EPB41L3: variants seen among roughly 807,000 people sequenced by gnomAD.
EPB41L3 encodes the protein band 4.1-like protein 3.
EPB41L3 carries 57 observed loss-of-function variants against 127.1 expected under a neutral mutation model. The ratio of observed to expected loss-of-function variants is 0.45; its 90% CI spans 0.36 to 0.56. The LOEUF (loss-of-function observed/expected upper bound fraction) is 0.56. EPB41L3 is among the 20% of genes least tolerant of loss of function. The pLI, the probability that EPB41L3 is intolerant of heterozygous loss-of-function variation, is 0.00. For synonymous variants in EPB41L3, 572 were observed against 549.5 expected, an observed-to-expected ratio of 1.04 and a Z score of -0.57; for missense variants, 1,273 against 1,372.2, an observed-to-expected ratio of 0.93 and a Z score of 1.14.
intron 1 of EPB41L3, among the ~76,000 whole-genome samples, chr18:5,540,963 T>A (rs948570697): frequency 1.3e-5 from 2 of 151,618 alleles, no homozygotes; most frequent in Non-Finnish European, 2.9e-5. Context: ...CGGGCGCCTG[T>A]AGTCCCAGCT....
intron 3 of EPB41L3, among the ~76,000 whole-genome samples, chr18:5,563,754 T>C (rs962402387): frequency 1.3e-5 from 2 of 152,126 alleles, no homozygotes; most frequent in Non-Finnish European, 2.9e-5. Context: ...GGGAGAAATA[T>C]GTTGTTGGAA....
At chr18:5,531,414 G>A (rs1354538324) in intron 1 of EPB41L3, among the ~76,000 whole-genome samples, 1 of 152,046 alleles carries the variant, frequency 6.6e-6, no homozygotes, top group Non-Finnish European at 1.5e-5. Flanking sequence ...TCTTGCAATT[G>A]GGAAACCTTT....
chr18:5,472,866 A>C (rs1343323135), intron 3 of EPB41L3, among the ~76,000 whole-genome samples: 1 of 152,228 alleles, frequency 6.6e-6, no homozygotes, highest in Non-Finnish European at 1.5e-5. Flanking sequence ...CAATAGTTAG[A>C]AGGTAACAAA....
chr18:5,583,849 T>C (rs1189564091), intron 3 of EPB41L3, among the ~76,000 whole-genome samples: 2 of 152,196 alleles, frequency 1.3e-5, no homozygotes, highest in African/African-American at 4.8e-5. Context: ...ACTCTTGTTG[T>C]CCAGGCTGGA....
chr18:5,507,284 T>C (rs1321873614), intron 1 of EPB41L3, among the ~76,000 whole-genome samples: 3 of 152,154 alleles, frequency 2.0e-5, no homozygotes, highest in African/African-American at 7.2e-5. Flanking sequence ...ACGGATGTTA[T>C]ATCCAGGAAG....
chr18:5,596,929 C>T (rs1261200805), intron 3 of EPB41L3, among the ~76,000 whole-genome samples: 1 of 151,922 alleles, frequency 6.6e-6, no homozygotes, highest in Non-Finnish European at 1.5e-5. Flanking sequence ...CCCAGCTCTC[C>T]ACATAAATAA....
chr18:5,551,544 T>C (rs1263205494), intron 3 of EPB41L3, among the ~76,000 whole-genome samples: 1 of 151,980 alleles, frequency 6.6e-6, no homozygotes, highest in Non-Finnish European at 1.5e-5. Context: ...GGGCAATATA[T>C]TGAGACCCCA....
upstream of EPB41L3, among the ~76,000 whole-genome samples, chr18:5,629,579 G>C (rs992606861): frequency 6.6e-6 from 1 of 152,138 alleles, no homozygotes; most frequent in Admixed American, 6.5e-5. Context: ...TGCGAGGTTC[G>C]CACCTTCCCG....
intron 18 of EPB41L3, among the ~76,000 whole-genome samples, 171 bp from the exon 19 acceptor site, chr18:5,396,503 C>T (rs929356049): frequency 1.3e-5 from 2 of 150,356 alleles, no homozygotes; most frequent in South Asian, 2.2e-4. Flanking sequence ...GTCTCCTGGA[C>T]TCTCATAGCA....
intron 16 of EPB41L3, among the ~76,000 whole-genome samples, chr18:5,402,508 C>T (rs1334574017): frequency 6.6e-6 from 1 of 152,108 alleles, no homozygotes; most frequent in Non-Finnish European, 1.5e-5. Flanking sequence ...AAAAATGCCT[C>T]TGTCTTATAA....
chr18:5,467,601 C>T (rs2085236690), intron 3 of EPB41L3: 1 of 152,268 alleles, frequency 6.6e-6, no homozygotes, highest in Non-Finnish European at 1.5e-5. Flanking sequence ...ACTTTAGTAG[C>T]CTCTCTTCCA....
intron 3 of EPB41L3, among the ~76,000 whole-genome samples, chr18:5,567,726 A>G (rs2094225640): frequency 6.6e-6 from 1 of 152,154 alleles, no homozygotes; most frequent in Non-Finnish European, 1.5e-5. Flanking sequence ...CAGATACATG[A>G]GCTAGTGGGG....
intron 1 of EPB41L3, among the ~76,000 whole-genome samples, chr18:5,518,030 G>T (rs2092820647): frequency 6.6e-6 from 1 of 152,066 alleles, no homozygotes; most frequent in Non-Finnish European, 1.5e-5. Flanking sequence ...GACATAATGG[G>T]CTCCTAAGGG....
In EPB41L3 at chr18:5,407,706, C is replaced by T. The variant is rs777406986; in HGVS notation, c.2152G>A (p.Ala718Thr). ...SDQEEDAELK[A>T]QELEKTQDDL... Reference sequence around the variant, plus strand: ...TTTTATTTTTAATTTTCTACCTGTGCCTTGAGCTCTGCATCTTCCTCCTGG... The same window carrying T: ...TTTTATTTTTAATTTTCTACCTGTGTCTTGAGCTCTGCATCTTCCTCCTGG... Residue 718 changes from alanine (A) to threonine (T), a missense_variant, in exon 15 of 23, where the codon GCA (alanine) becomes ACA (threonine). By Grantham distance (58) the Ala-to-Thr change is moderately conservative. Coordinates refer to ENST00000341928, the MANE Select transcript of EPB41L3 (RefSeq NM_012307.5). The T allele has an allele frequency of 3.7e-6, 6 of 1,613,824 alleles. No individual in the cohort carries two copies. Among genetic ancestry groups the T allele is most frequent in the Admixed American group, 1.7e-5 (1 of 59,992 alleles).
chr18:5,511,480 T>C (rs2092522815), intron 1 of EPB41L3, among the ~76,000 whole-genome samples: 1 of 149,224 alleles, frequency 6.7e-6, no homozygotes. Context: ...TTCTCCCTTC[T>C]TTGGCCCAGA....
At chr18:5,544,849 G>A (rs1019811551), upstream of EPB41L3, among the ~76,000 whole-genome samples, 4 of 152,100 alleles carry the variant, frequency 2.6e-5, no homozygotes, top group African/African-American at 9.7e-5. Context: ...TGTTTTCCAT[G>A]ATGTGATTAT....
At chr18:5,422,319 G>T (rs1394484274) in intron 11 of EPB41L3, among the ~76,000 whole-genome samples, 5 of 152,156 alleles carry the variant, frequency 3.3e-5, no homozygotes, top group African/African-American at 9.7e-5. Flanking sequence ...GAAAAAGACA[G>T]TTGTTTTTAG....
chr18:5,626,935 A>T (rs990737420), intron 1 of EPB41L3, among the ~76,000 whole-genome samples: 1 of 152,194 alleles, frequency 6.6e-6, no homozygotes, highest in Non-Finnish European at 1.5e-5. Flanking sequence ...AGAAAAGAAG[A>T]AACAGAGAGA....
chr18:5,543,667 G>A lies in EPB41L3; in HGVS notation c.-12+246C>T, dbSNP rs915127430. 6.9e-6 allele frequency among the ~76,000 whole-genome samples: 1 copy of A among 145,382 alleles called. No homozygotes were observed. Among genetic ancestry groups the A allele is most frequent in the Admixed American group, 6.8e-5 (1 of 14,758 alleles). ...GCCCAGCCACTACTGCGCCGCGGCG[G>A]GCGGAGCGGGCGGGGGGCGCGGCGC... On this transcript the variant is annotated intron_variant, in intron 1 of 22. Coordinates refer to ENST00000341928, the MANE Select transcript of EPB41L3 (RefSeq NM_012307.5). The surrounding 1 kb of genome is among the most constrained non-coding windows in gnomAD (Gnocchi z 5.2).
Sources: gnomAD v4.1 joint callset for allele counts (sites outside exome capture counted in the v4.1 genomes callset) on GRCh38, gnomAD v4.1.1 for gene constraint, Gnocchi (gnomAD v3.1) non-coding constraint, MANE v1.5 for transcripts, NCBI Gene and HGNC (gene_info 2026-07-23, HGNC 2026-07-21) for gene names.